The following FASTKD1 variants were observed in gnomAD, a reference collection of about 807,000 sequenced individuals.
The protein encoded by FASTKD1 is FAST kinase domain-containing protein 1, mitochondrial.
Under a neutral mutation model 90.9 loss-of-function variants are expected in FASTKD1, and 94 were observed. The observed-to-expected ratio is 1.03, with a 90% CI of 0.88 to 1.23. FASTKD1 has a LOEUF of 1.23. Among genes scored for constraint, FASTKD1 ranks in the 50% most tolerant of loss-of-function variants. FASTKD1 has a pLI of 0.00. For missense variants in FASTKD1, 945 were observed against 993.5 expected (o/e 0.95, Z 0.66); for synonymous variants, 319 against 345.8 (o/e 0.92, Z 0.86).
At chr2:169,566,871 C>T (rs1183313726) in intron 3 of FASTKD1, among the ~76,000 whole-genome samples, 2 of 152,058 alleles carry the variant, frequency 1.3e-5, no homozygotes, top group Non-Finnish European at 2.9e-5. Flanking sequence ...AATCCCAGCA[C>T]TTTGGGAGGC....
At chr2:169,560,829 A>T in intron 4 of FASTKD1, 44 bp from the exon 5 acceptor site, 2 of 1,026,222 alleles carry the variant, frequency 1.9e-6, no homozygotes, top group South Asian at 2.0e-5. Flanking sequence ...TCAATTAAGA[A>T]TGATCAATTC....
Position 169,531,458 on chromosome 2 carries a change from GT to G in FASTKD1, c.2220del (p.Lys740AsnfsTer10), listed in dbSNP as rs758994923. ...ATATTATGGCTTCCATACGGAAGAG[GT>G]TTTTTTCTTTTATCCAAGATACACT... ...DFECILDKRK[K>X]PLPYGSHNIA... On this transcript the variant is annotated frameshift_variant, in exon 13 of 15. Transcript: ENST00000453153. LOFTEE classifies it high-confidence loss of function. 8 of 1,609,824 alleles carry G rather than the reference GT, an allele frequency of 5.0e-6. No individual in the cohort carries two copies. The highest frequency in any genetic ancestry group is 4.0e-5 in the African/African-American group (3 of 74,676).
intron 4 of FASTKD1, among the ~76,000 whole-genome samples, chr2:169,561,475 A>T (rs946950664): frequency 6.6e-6 from 1 of 151,982 alleles, no homozygotes; most frequent in African/African-American, 2.4e-5. Flanking sequence ...TATGTTAAAA[A>T]CAAAACAAAC....
chr2:169,548,026 G>C (rs1466694441), intron 7 of FASTKD1, among the ~76,000 whole-genome samples: 1 of 108,830 alleles, frequency 9.2e-6, no homozygotes, highest in Non-Finnish European at 2.0e-5. Flanking sequence ...AAAACAAAAA[G>C]AAAAGAAAAG....
intron 3 of FASTKD1, among the ~76,000 whole-genome samples, chr2:169,567,319 C>T (rs915174087): frequency 6.6e-5 from 10 of 152,152 alleles, no homozygotes; most frequent in Non-Finnish European, 1.3e-4. Context: ...ATACACATAA[C>T]GTATCCTTGC....
At chr2:169,561,373 C>T (rs907696014) in intron 4 of FASTKD1, among the ~76,000 whole-genome samples, 1 of 151,628 alleles carries the variant, frequency 6.6e-6, no homozygotes, top group Admixed American at 6.6e-5. Flanking sequence ...GTGCTAATCA[C>T]TTTGTAAATA....
intron 9 of FASTKD1, among the ~76,000 whole-genome samples, chr2:169,543,652 G>A (rs1380553289): frequency 4.6e-5 from 7 of 152,116 alleles, no homozygotes; most frequent in East Asian, 3.8e-4. Context: ...ACGCATACGC[G>A]CTTGTGCACA....
intron 7 of FASTKD1, 108 bp from the exon 8 acceptor site, chr2:169,546,812 A>G: frequency 8.7e-7 from 1 of 1,148,826 alleles, no homozygotes; most frequent in Non-Finnish European, 1.2e-6. Flanking sequence ...GATGATTCAA[A>G]AAAACCTCTT....
At chr2:169,554,747 TA>T (rs2105389091) in intron 7 of FASTKD1, among the ~76,000 whole-genome samples, 1 of 152,288 alleles carries the variant, frequency 6.6e-6, no homozygotes, top group East Asian at 1.9e-4. Context: ...TAATAAGCCT[TA>T]AAATAGGCAT....
At chr2:169,541,580 T>C (rs1684957456) in intron 9 of FASTKD1, among the ~76,000 whole-genome samples, 1 of 152,184 alleles carries the variant, frequency 6.6e-6, no homozygotes, top group African/African-American at 2.4e-5. Flanking sequence ...TTAGATGCTG[T>C]CTGGCCCATA....
At chr2:169,545,418 T>C (rs1030415287) in intron 8 of FASTKD1, among the ~76,000 whole-genome samples, 7 of 152,198 alleles carry the variant, frequency 4.6e-5, no homozygotes, top group African/African-American at 1.7e-4. Context: ...CACTCATTCA[T>C]CCAATACTTA....
At position 169,573,838 on chromosome 2, in the gene FASTKD1, T is replaced by C. The variant is rs1684340384; in HGVS notation, c.-312A>G. On this transcript the variant is annotated 5_prime_UTR_variant, in exon 1 of 15. Coordinates refer to ENST00000453153, the MANE Select transcript of FASTKD1 (RefSeq NM_024622.6). Reference sequence around the variant, plus strand: ...AACCTTTCTTCGAGAGACATGACCTTTCCCATGAGACCTTGCCCCCAAACC... The same window carrying C: ...AACCTTTCTTCGAGAGACATGACCTCTCCCATGAGACCTTGCCCCCAAACC... The C allele has an allele frequency of 6.6e-6, 1 of 152,246 alleles. No individual in the cohort carries two copies. Among genetic ancestry groups the C allele is most frequent in the South Asian group, 2.1e-4 (1 of 4,832 alleles). The allele number at this position is 152,246 out of a possible 1,614,324, so 9.4% of individuals were successfully genotyped here.
intron 7 of FASTKD1, among the ~76,000 whole-genome samples, chr2:169,550,591 G>A (rs113469566): frequency 4.2e-4 from 64 of 152,108 alleles, no homozygotes; most frequent in African/African-American, 1.3e-3. Flanking sequence ...TGATCCTCCC[G>A]CCTCAGCCTC....
At chr2:169,549,335 G>A (rs1001380142) in intron 7 of FASTKD1, among the ~76,000 whole-genome samples, 4 of 151,896 alleles carry the variant, frequency 2.6e-5, no homozygotes, top group South Asian at 2.1e-4. Flanking sequence ...CCTGGGAGGC[G>A]GAGGTTGCGG....
Position 169,555,149 on chromosome 2 carries a change from C to CA in FASTKD1, c.1188dup (p.Ala397CysfsTer4), listed in dbSNP as rs770112643. On this transcript the variant is annotated frameshift_variant, in exon 7 of 15. Transcript: ENST00000453153. LOFTEE classifies it high-confidence loss of function. ...CTAAGCAGTAATTCTCTAAGTTTCGCAAAAAACTCCTTCCTTTGGAAATGC... is the reference window on the plus strand; with the variant it reads ...CTAAGCAGTAATTCTCTAAGTTTCGCAAAAAAACTCCTTCCTTTGGAAATGC... 7.4e-6 allele frequency: 12 copies of CA among 1,611,378 alleles called. No homozygotes were observed. In the East Asian group the frequency reaches 8.9e-5, roughly 12 times the overall value.
chr2:169,532,917 C>T (rs1041137308), intron 12 of FASTKD1, among the ~76,000 whole-genome samples: 1 of 152,176 alleles, frequency 6.6e-6, no homozygotes, highest in Admixed American at 6.5e-5. Flanking sequence ...CCAAATCTAA[C>T]ATTTCGATAA....
intron 11 of FASTKD1, 132 bp downstream of exon 11, chr2:169,537,880 TA>T (rs1366927590): frequency 4.4e-6 from 3 of 686,736 alleles, no homozygotes; most frequent in Middle Eastern, 3.4e-4. Flanking sequence ...ATATCTCATA[TA>T]AAATATTAAA....
chr2:169,548,865 C>T (rs938947312), intron 7 of FASTKD1, among the ~76,000 whole-genome samples: 37 of 151,024 alleles, frequency 2.4e-4, no homozygotes, highest in Admixed American at 2.4e-3. Context: ...GAGGCCAAGG[C>T]GGGCAGATCA....
At position 169,529,854 on chromosome 2, in the gene FASTKD1, T is replaced by C. The variant is rs751830294; in HGVS notation, c.2515A>G (p.Ile839Val). Reference protein sequence around the residue: ...DARMDYLRECIFGEVKSCL With the variant: ...DARMDYLRECVFGEVKSCL ...AAACATGACTTGACTTCTCCAAATATACATTCTCTCAGGTAGTCCATCCGA... is the reference window on the plus strand; with the variant it reads ...AAACATGACTTGACTTCTCCAAATACACATTCTCTCAGGTAGTCCATCCGA... Residue 839 changes from isoleucine to valine, a missense_variant, in exon 15 of 15, where the codon ATA becomes GTA. Coordinates refer to ENST00000453153, the MANE Select transcript of FASTKD1 (RefSeq NM_024622.6). The C allele has an allele frequency of 8.1e-6, 13 of 1,612,854 alleles. No homozygotes were observed. In the Admixed American group the frequency reaches 1.7e-4, roughly 21 times the overall value.
Sources: gnomAD v4.1 joint callset for allele counts (sites outside exome capture counted in the v4.1 genomes callset) on GRCh38, gnomAD v4.1.1 for gene constraint, MANE v1.5 for transcripts, NCBI Gene and HGNC (gene_info 2026-07-23, HGNC 2026-07-21) for gene names.